Variants in RALB observed in about 807,000 individuals in gnomAD.
RALB encodes the protein ras-related protein Ral-B.
A neutral mutation model predicts 21.3 loss-of-function variants in RALB; 16 were observed. The observed-to-expected ratio is 0.75, with a 90% CI of 0.51 to 1.14. The LOEUF (loss-of-function observed/expected upper bound fraction) is 1.14, where lower values mean the gene tolerates loss of function less well. RALB is among the 50% of genes most tolerant of loss of function. The pLI, the probability that RALB is intolerant of heterozygous loss-of-function variation, is 0.00. For missense variants in RALB, 161 were observed against 256.2 expected, an observed-to-expected ratio of 0.63 and a Z score of 2.54; for synonymous variants, 93 against 96.1, an observed-to-expected ratio of 0.97 and a Z score of 0.19.
In RALB at chr2:120,285,935, G is replaced by C; in HGVS notation, c.176G>C (p.Gly59Ala). The change falls in exon 3 of 5, where the codon GGG becomes GCG. Residue 59 changes from glycine to alanine, a missense_variant. Coordinates refer to ENST00000272519, the MANE Select transcript of RALB (RefSeq NM_002881.3). ...DSYRKKVVLDGEEVQIDILDT... is the reference protein window; with the variant it reads ...DSYRKKVVLDAEEVQIDILDT... ...TATAGAAAGAAAGTGGTTCTTGATG[G>C]GGAAGAAGTTCAGATAGATATTCTG... The C allele has an allele frequency of 6.2e-7, 1 of 1,614,022 alleles. No individual in the cohort carries two copies. The highest frequency in any genetic ancestry group is 8.5e-7 in the Non-Finnish European group (1 of 1,179,958).
chr2:120,260,475 G>T (rs538454399), intron 1 of RALB, among the ~76,000 whole-genome samples: 1 of 152,390 alleles, frequency 6.6e-6, no homozygotes, highest in South Asian at 2.1e-4. Context: ...CCAGGAGAGC[G>T]GTCAGGGCTG....
At position 120,254,085 on chromosome 2, in the gene RALB, C is replaced by A. The variant is rs562077407; in HGVS notation, c.-48+1105C>A. On this transcript the variant is annotated intron_variant, in intron 1 of 4. Transcript: ENST00000272519. ...AGTATCGAAGTTCCCAGAAATGGGC[C>A]GACCATGAAAGGTAGCACTGCATAT... 2.6e-5 allele frequency among the ~76,000 whole-genome samples: 4 copies of A among 152,202 alleles called. No individual in the cohort carries two copies. In the South Asian group the frequency reaches 8.3e-4, roughly 32 times the overall value.
At chr2:120,287,697 C>T (rs1302970148) in intron 3 of RALB, among the ~76,000 whole-genome samples, 2 of 152,226 alleles carry the variant, frequency 1.3e-5, no homozygotes, top group Non-Finnish European at 1.5e-5. Context: ...AGATAGCACT[C>T]GGGCGTTCTC....
intron 3 of RALB, among the ~76,000 whole-genome samples, chr2:120,288,964 A>G (rs1430433801): frequency 1.3e-5 from 2 of 152,212 alleles, no homozygotes; most frequent in Non-Finnish European, 2.9e-5. Flanking sequence ...TTTCAAAACA[A>G]TACAATATTC....
intron 1 of RALB, among the ~76,000 whole-genome samples, chr2:120,255,149 A>T (rs1461718547): frequency 1.3e-5 from 2 of 152,090 alleles, no homozygotes; most frequent in Non-Finnish European, 2.9e-5. Flanking sequence ...ATCTAGGTGA[A>T]CTCTGTAGTT....
chr2:120,258,661 G>A (rs930372469), intron 1 of RALB, among the ~76,000 whole-genome samples: 3 of 152,212 alleles, frequency 2.0e-5, no homozygotes, highest in Admixed American at 6.5e-5. Context: ...AATGAATGGT[G>A]GCAGAGAAGA....
intron 1 of RALB, among the ~76,000 whole-genome samples, chr2:120,268,307 T>C (rs970113120): frequency 1.6e-5 from 2 of 122,686 alleles, no homozygotes; most frequent in Non-Finnish European, 3.8e-5. Context: ...ATCCTCGGCC[T>C]CCTTCCTGTA....
chr2:120,274,807 C>G (rs1167279288), intron 1 of RALB, among the ~76,000 whole-genome samples: 1 of 151,952 alleles, frequency 6.6e-6, no homozygotes, highest in Non-Finnish European at 1.5e-5. Context: ...ATTTTTTTCA[C>G]ATTTTGCCTT....
At chr2:120,261,173 A>G (rs1225605424) in intron 1 of RALB, among the ~76,000 whole-genome samples, 1 of 152,184 alleles carries the variant, frequency 6.6e-6, no homozygotes, top group African/African-American at 2.4e-5. Context: ...TCAAAGGCAC[A>G]CACGCATGTG....
intron 2 of RALB, among the ~76,000 whole-genome samples, chr2:120,282,432 C>G (rs574705478): frequency 5.3e-5 from 8 of 151,144 alleles, no homozygotes; most frequent in Admixed American, 4.0e-4. Context: ...GAGCCAAGAT[C>G]GCACCATTGC....
chr2:120,276,611 GAAA>G (rs1329782756), intron 1 of RALB, among the ~76,000 whole-genome samples: 1 of 137,028 alleles, frequency 7.3e-6, no homozygotes, highest in Non-Finnish European at 1.6e-5. Context: ...TCAAAAAAAA[GAAA>G]AAAAAAAAAG....
chr2:120,267,505 T>C (rs1018469498), intron 1 of RALB, among the ~76,000 whole-genome samples: 2 of 152,180 alleles, frequency 1.3e-5, no homozygotes, highest in Non-Finnish European at 2.9e-5. Context: ...AGGAGGTCGC[T>C]TGACTCAGGC....
intron 1 of RALB, among the ~76,000 whole-genome samples, chr2:120,254,503 T>C (rs1223959247): frequency 2.0e-5 from 3 of 152,184 alleles, no homozygotes; most frequent in Admixed American, 1.3e-4. Flanking sequence ...AGTTATTAGA[T>C]ATCTTTTGGG....
At chr2:120,247,937 A>G (rs1425302439), upstream of RALB, among the ~76,000 whole-genome samples, 4 of 152,184 alleles carry the variant, frequency 2.6e-5, no homozygotes, top group Non-Finnish European at 4.4e-5. Flanking sequence ...CCAGGACGGA[A>G]TGGGAATGGA....
intron 1 of RALB, among the ~76,000 whole-genome samples, chr2:120,276,592 G>C (rs1229231697): frequency 6.6e-6 from 1 of 151,234 alleles, no homozygotes; most frequent in Non-Finnish European, 1.5e-5. Context: ...GACACAGTGA[G>C]ACTCTGTCTC....
At chr2:120,292,693 G>A (rs1308546556) in intron 4 of RALB, among the ~76,000 whole-genome samples, 5 of 152,070 alleles carry the variant, frequency 3.3e-5, no homozygotes, top group African/African-American at 1.2e-4. Flanking sequence ...AGTGGCTGAC[G>A]CCTGTAATCC....
At chr2:120,264,584 A>T (rs1168570232) in intron 1 of RALB, among the ~76,000 whole-genome samples, 3 of 152,238 alleles carry the variant, frequency 2.0e-5, no homozygotes, top group African/African-American at 4.8e-5. Flanking sequence ...ACTACTTTTT[A>T]AAAATTCTGG....
At position 120,293,723 on chromosome 2, in the gene RALB, C is replaced by T. The variant is rs1690362670; in HGVS notation, c.*463C>T. The T allele has an allele frequency of 6.2e-6, 1 of 161,086 alleles. No homozygotes were observed. The highest frequency in any genetic ancestry group is 6.5e-5 in the Admixed American group (1 of 15,494). 10.0% of individuals were successfully genotyped at this position (161,086 alleles called of 1,614,324 possible). On this transcript the variant is annotated 3_prime_UTR_variant, in exon 5 of 5. Coordinates refer to ENST00000272519, the MANE Select transcript of RALB (RefSeq NM_002881.3). ...GTAGTACTGAGAAAAATCCCTTCAG[C>T]TCTAAGAACACTGAAAAATCCACCG...
intron 1 of RALB, among the ~76,000 whole-genome samples, chr2:120,244,319 G>A (rs1017332226): frequency 3.9e-5 from 6 of 152,300 alleles, no homozygotes; most frequent in South Asian, 2.1e-4. Context: ...AGCCCGTCCC[G>A]GCTCTGCCGA....
Sources: allele counts gnomAD v4.1 joint callset (sites outside exome capture counted in the v4.1 genomes callset), GRCh38; gene constraint gnomAD v4.1.1; transcripts MANE v1.5; gene names NCBI Gene and HGNC (gene_info 2026-07-23, HGNC 2026-07-21).